The following DCC variants were observed in gnomAD, a reference collection of about 807,000 sequenced individuals.
The protein encoded by DCC is netrin receptor DCC.
In DCC, 58 loss-of-function variants were observed where a neutral mutation model predicts 172.5. That is an observed-to-expected ratio of 0.34 (90% confidence interval 0.27 to 0.42). The LOEUF (loss-of-function observed/expected upper bound fraction) is 0.42, where lower values mean the gene tolerates loss of function less well. Ranked by LOEUF, DCC falls within the 10% of genes least tolerant of loss-of-function variation. The probability of loss-of-function intolerance (pLI) is 1.00; values close to 1 mark genes in which losing one functional copy is unlikely to be tolerated. For missense variants in DCC, 1,740 were observed against 1,791.0 expected (o/e 0.97, Z 0.51); for synonymous variants, 709 against 644.5 (o/e 1.10, Z -1.52).
At chr18:53,297,623 TC>T (rs890464443) in intron 12 of DCC, among the ~76,000 whole-genome samples, 4 of 152,168 alleles carry the variant, frequency 2.6e-5, no homozygotes, top group African/African-American at 9.7e-5. Context: ...ACAAAAATGT[TC>T]CCGTAACAGC....
intron 3 of DCC, among the ~76,000 whole-genome samples, chr18:52,919,939 G>A (rs553719080): frequency 4.1e-5 from 6 of 146,844 alleles, no homozygotes; most frequent in African/African-American, 1.5e-4. Flanking sequence ...ACAGTCAACT[G>A]ATCTTTGAGC....
intron 1 of DCC, among the ~76,000 whole-genome samples, chr18:52,351,182 A>T (rs1984104194): frequency 6.6e-6 from 1 of 152,104 alleles, no homozygotes; most frequent in Admixed American, 6.6e-5. Flanking sequence ...AAGTGAGCTC[A>T]AAGGCCCCAT....
chr18:53,463,556 T>C (rs2045584575), intron 24 of DCC, among the ~76,000 whole-genome samples: 1 of 152,218 alleles, frequency 6.6e-6, no homozygotes, highest in Non-Finnish European at 1.5e-5. Context: ...GAGAGATTAC[T>C]GTATGTTAAA....
chr18:52,905,427 T>G (rs1358836098), intron 2 of DCC, among the ~76,000 whole-genome samples: 1 of 152,214 alleles, frequency 6.6e-6, no homozygotes, highest in African/African-American at 2.4e-5. Context: ...TAATTCCAGC[T>G]TTTAAATCTT....
chr18:52,829,499 A>G (rs2038573005), intron 2 of DCC, among the ~76,000 whole-genome samples: 1 of 152,218 alleles, frequency 6.6e-6, no homozygotes, highest in Non-Finnish European at 1.5e-5. Context: ...GAGATAGGGC[A>G]GTATAAATGA....
At chr18:52,529,489 C>A (rs941690529) in intron 1 of DCC, among the ~76,000 whole-genome samples, 3 of 152,014 alleles carry the variant, frequency 2.0e-5, no homozygotes, top group Admixed American at 2.0e-4. Flanking sequence ...ACAGGGTTTC[C>A]CCGTGTTAGC....
At chr18:52,895,190 T>C (rs2039710626) in intron 2 of DCC, among the ~76,000 whole-genome samples, 1 of 152,272 alleles carries the variant, frequency 6.6e-6, no homozygotes, top group Non-Finnish European at 1.5e-5. Flanking sequence ...GAATTGTGCA[T>C]ACTTCCAAGT....
chr18:53,376,698 A>C (rs1299370057), intron 15 of DCC, among the ~76,000 whole-genome samples: 1 of 152,154 alleles, frequency 6.6e-6, no homozygotes, highest in Non-Finnish European at 1.5e-5. Flanking sequence ...TTACACTATG[A>C]CCGGAGCCCA....
intron 17 of DCC, among the ~76,000 whole-genome samples, chr18:53,392,596 A>G (rs1265512897): frequency 6.6e-6 from 1 of 152,208 alleles, no homozygotes; most frequent in Non-Finnish European, 1.5e-5. Flanking sequence ...GTTATATACT[A>G]AGATAATTTT....
intron 21 of DCC, among the ~76,000 whole-genome samples, chr18:53,433,830 ACAGT>A (rs1240198518): frequency 6.6e-6 from 1 of 151,992 alleles, no homozygotes; most frequent in Non-Finnish European, 1.5e-5. Context: ...TTACATACTC[ACAGT>A]CATTGTCCCA....
At chr18:52,827,649 A>G (rs1026949381) in intron 2 of DCC, among the ~76,000 whole-genome samples, 1 of 152,246 alleles carries the variant, frequency 6.6e-6, no homozygotes, top group Non-Finnish European at 1.5e-5. Flanking sequence ...TAGAAAATCT[A>G]ATTCCTAATC....
intron 5 of DCC, among the ~76,000 whole-genome samples, chr18:52,942,307 C>T (rs2040476650): frequency 6.6e-6 from 1 of 152,096 alleles, no homozygotes; most frequent in African/African-American, 2.4e-5. Flanking sequence ...GTTTGTTCAA[C>T]TCATGAAGTA....
At chr18:53,109,526 G>A (rs183720114) in intron 7 of DCC, among the ~76,000 whole-genome samples, 39 of 151,026 alleles carry the variant, frequency 2.6e-4, no homozygotes, top group East Asian at 2.0e-3. Context: ...GTGTCTGTCC[G>A]TCTCTGTCTT....
intron 1 of DCC, among the ~76,000 whole-genome samples, chr18:52,546,324 G>A (rs778203776): frequency 1.5e-5 from 2 of 130,744 alleles, no homozygotes; most frequent in East Asian, 2.3e-4. Flanking sequence ...ATTTGTAGAC[G>A]AGAACCCTAG....
intron 1 of DCC, among the ~76,000 whole-genome samples, chr18:52,420,766 A>G (rs952383335): frequency 1.3e-5 from 2 of 152,096 alleles, no homozygotes; most frequent in African/African-American, 2.4e-5. Flanking sequence ...TTGGTGGGAG[A>G]AAGGGCCTCA....
chr18:52,501,246 C>T (rs1024603041), intron 1 of DCC, among the ~76,000 whole-genome samples: 2 of 152,096 alleles, frequency 1.3e-5, no homozygotes, highest in African/African-American at 2.4e-5. Flanking sequence ...AGACTCTCAG[C>T]ACAATTTTAT....
intron 1 of DCC, among the ~76,000 whole-genome samples, chr18:52,621,389 G>T (rs959052469): frequency 3.3e-5 from 5 of 152,160 alleles, no homozygotes; most frequent in African/African-American, 1.2e-4. Context: ...AAGGAGGTAG[G>T]CTATGGCAAA....
chr18:52,763,481 T>G (rs564375367), intron 2 of DCC, among the ~76,000 whole-genome samples: 4 of 152,226 alleles, frequency 2.6e-5, no homozygotes, highest in Non-Finnish European at 4.4e-5. Context: ...TTGTGGCTAT[T>G]TTTCTAAAGT....
intron 8 of DCC, among the ~76,000 whole-genome samples, chr18:53,173,017 A>G (rs2055036539): frequency 1.3e-5 from 2 of 152,236 alleles, no homozygotes; most frequent in South Asian, 4.1e-4. Context: ...GGGTATAAAA[A>G]TTCTTCTGCT....
Sources: gnomAD v4.1 joint callset for allele counts (sites outside exome capture counted in the v4.1 genomes callset) on GRCh38, gnomAD v4.1.1 for gene constraint, MANE v1.5 for transcripts, NCBI Gene and HGNC (gene_info 2026-07-23, HGNC 2026-07-21) for gene names.